THSD4: variants seen among roughly 807,000 people sequenced by gnomAD.
THSD4 encodes the protein thrombospondin type-1 domain-containing protein 4.
THSD4 carries 69 observed loss-of-function variants against 119.0 expected under a neutral mutation model. The observed-to-expected ratio is 0.58, with a 90% CI of 0.48 to 0.71. The LOEUF is 0.71. THSD4 is among the 30% of genes least tolerant of loss of function. The pLI, the probability that THSD4 is intolerant of heterozygous loss-of-function variation, is 0.00. For missense variants in THSD4, 1,393 were observed against 1,391.1 expected, an observed-to-expected ratio of 1.00 and a Z score of -0.02; for synonymous variants, 524 against 540.4, an observed-to-expected ratio of 0.97 and a Z score of 0.42.
chr15:71,653,255 C>G (rs991324833), intron 7 of THSD4, among the ~76,000 whole-genome samples: 4 of 152,216 alleles, frequency 2.6e-5, no homozygotes, highest in Non-Finnish European at 5.9e-5. Context: ...TTTTTGGAAA[C>G]TGGATAATTA....
At chr15:71,610,568 A>G (rs935332085) in intron 7 of THSD4, among the ~76,000 whole-genome samples, 23 of 152,216 alleles carry the variant, frequency 1.5e-4, no homozygotes, top group African/African-American at 5.5e-4. Context: ...GACAGGTTCT[A>G]CTTAGTGGTG....
intron 11 of THSD4, among the ~76,000 whole-genome samples, chr15:71,742,784 G>A (rs538637257): frequency 2.0e-4 from 30 of 152,280 alleles, no homozygotes; most frequent in Non-Finnish European, 3.1e-4. Flanking sequence ...GTCAGGCGCC[G>A]TGGCTTATGC....
chr15:71,263,264 C>T (rs1038821509), intron 6 of THSD4, among the ~76,000 whole-genome samples: 3 of 150,416 alleles, frequency 2.0e-5, no homozygotes, highest in South Asian at 2.1e-4. Context: ...TAATGGCCTC[C>T]AGCTCCATCC....
At chr15:71,355,392 A>G (rs11633870) in intron 6 of THSD4, among the ~76,000 whole-genome samples, 33,346 of 151,804 alleles carry the variant, frequency 0.22, 4,110 homozygotes, top group East Asian at 0.54. Context: ...TGTGTGTGTC[A>G]TGTGTGTGTG....
At chr15:71,647,859 G>C (rs1357359665) in intron 7 of THSD4, among the ~76,000 whole-genome samples, 1 of 152,206 alleles carries the variant, frequency 6.6e-6, no homozygotes, top group Non-Finnish European at 1.5e-5. Flanking sequence ...GACGCTATAG[G>C]AGATGCTGAA....
At chr15:71,581,386 AT>A (rs1021748321) in intron 7 of THSD4, among the ~76,000 whole-genome samples, 11 of 151,828 alleles carry the variant, frequency 7.2e-5, no homozygotes, top group African/African-American at 2.7e-4. Context: ...CTGTTATTTG[AT>A]TTTTTTGCTA....
Position 71,192,005 on chromosome 15 carries a change from C to T in THSD4, c.100-23030C>T, listed in dbSNP as rs543057113. 3.3e-5 allele frequency among the ~76,000 whole-genome samples: 5 copies of T among 149,964 alleles called. No homozygotes were observed. The South Asian group carries it at 6.4e-4, about 19-fold the overall frequency. On this transcript the variant is annotated intron_variant, in intron 3 of 17. Coordinates refer to ENST00000261862, the MANE Select transcript of THSD4 (RefSeq NM_024817.3). Reference sequence around the variant, plus strand: ...GCAACCTCCGCCTCCCAGGTTGAAGCGATTCTCCTGTCTCAGCCTCCTGAG... The same window carrying T: ...GCAACCTCCGCCTCCCAGGTTGAAGTGATTCTCCTGTCTCAGCCTCCTGAG...
chr15:71,341,720 G>C (rs748613676), intron 6 of THSD4: 40 of 1,028,680 alleles, frequency 3.9e-5, no homozygotes, highest in Non-Finnish European at 5.7e-5. Flanking sequence ...CATTTTCACA[G>C]ATTACCTCAG....
intron 4 of THSD4, among the ~76,000 whole-genome samples, chr15:71,221,646 G>A (rs1052649515): frequency 1.4e-4 from 21 of 152,238 alleles, no homozygotes; most frequent in South Asian, 2.1e-4. Context: ...TCCATTGCAT[G>A]TATAGACCAC....
rs143777193 is a variant in THSD4 at position 71,526,550 on chromosome 15, C to T, written c.1152+114727C>T. Among the ~76,000 whole-genome samples, 1,235 of 152,234 alleles carry T rather than the reference C, an allele frequency of 8.1e-3. 20 individuals are homozygous for T. Among genetic ancestry groups the T allele is most frequent in the Admixed American group, 0.011 (170 of 15,298 alleles). ...AGAAACTATTTCAGGAATAGTTGCACTGGAATATTCCAGGAATAGTCGCTG... is the reference window on the plus strand; with the variant it reads ...AGAAACTATTTCAGGAATAGTTGCATTGGAATATTCCAGGAATAGTCGCTG... On this transcript the variant is annotated intron_variant, in intron 7 of 17. Coordinates refer to ENST00000261862, the MANE Select transcript of THSD4 (RefSeq NM_024817.3).
chr15:71,566,169 T>G (rs1221487502), intron 7 of THSD4, among the ~76,000 whole-genome samples: 7 of 114,250 alleles, frequency 6.1e-5, no homozygotes, highest in Admixed American at 9.1e-5. Flanking sequence ...TTTTTTTTTT[T>G]GCTGAAATTC....
chr15:71,733,909 C>T (rs1222732644), intron 10 of THSD4: 1 of 104,980 alleles, frequency 9.5e-6, no homozygotes, highest in African/African-American at 4.2e-5. Flanking sequence ...GACTCTGTCT[C>T]CAAAAAAAAA....
At position 71,522,825 on chromosome 15, in the gene THSD4, T is replaced by C. The variant is rs185086609; in HGVS notation, c.1152+111002T>C. 3.9e-5 allele frequency among the ~76,000 whole-genome samples: 6 copies of C among 152,160 alleles called. No individual in the cohort carries two copies. In the East Asian group the frequency reaches 1.2e-3, roughly 29 times the overall value. ...TACCTTGAGATGCTATTTAGAGGAG[T>C]AGGTTTTGTATACCTGGAAGGTGAA... On this transcript the variant is annotated intron_variant, in intron 7 of 17. Transcript: ENST00000261862.
chr15:71,475,441 G>A (rs2047642747), intron 7 of THSD4, among the ~76,000 whole-genome samples: 1 of 152,194 alleles, frequency 6.6e-6, no homozygotes, highest in East Asian at 1.9e-4. Flanking sequence ...CCAGACAGTG[G>A]TGGTGTATTA....
intron 6 of THSD4, among the ~76,000 whole-genome samples, chr15:71,374,186 G>C (rs915771552): frequency 6.6e-6 from 1 of 152,194 alleles, no homozygotes; most frequent in Non-Finnish European, 1.5e-5. Flanking sequence ...CTTGACTGTG[G>C]AGTGGTAGAA....
At chr15:71,603,900 G>A (rs1345597385) in intron 7 of THSD4, among the ~76,000 whole-genome samples, 2 of 152,174 alleles carry the variant, frequency 1.3e-5, no homozygotes, top group Non-Finnish European at 2.9e-5. Context: ...ATGAGTTAAG[G>A]AGAATTCAGT....
At chr15:71,686,385 TTCTC>T (rs754665785) in intron 8 of THSD4, among the ~76,000 whole-genome samples, 5 of 152,168 alleles carry the variant, frequency 3.3e-5, no homozygotes, top group African/African-American at 7.2e-5. Context: ...AAGAAACTGT[TTCTC>T]TCTCTGTCTA....
chr15:71,139,732 C>T (rs1023769578), intron 1 of THSD4, among the ~76,000 whole-genome samples: 4 of 152,174 alleles, frequency 2.6e-5, no homozygotes, highest in African/African-American at 9.7e-5. Flanking sequence ...AAATCCTTGT[C>T]CTTTATTTTC....
chr15:71,446,914 TG>T (rs1227421533), intron 7 of THSD4, among the ~76,000 whole-genome samples: 1 of 152,088 alleles, frequency 6.6e-6, no homozygotes, highest in Non-Finnish European at 1.5e-5. Context: ...ACTTGTCTTT[TG>T]TCTTAGTAGT....
Sources: gnomAD v4.1 joint callset for allele counts (sites outside exome capture counted in the v4.1 genomes callset) on GRCh38, gnomAD v4.1.1 for gene constraint, MANE v1.5 for transcripts, NCBI Gene and HGNC (gene_info 2026-07-23, HGNC 2026-07-21) for gene names.